The following LPP variants were observed in gnomAD, a reference collection of about 807,000 sequenced individuals.
The protein encoded by LPP is lipoma-preferred partner.
Under a neutral mutation model 60.4 loss-of-function variants are expected in LPP, and 38 were observed. The observed-to-expected ratio is 0.63, with a 90% CI of 0.49 to 0.83. The LOEUF (loss-of-function observed/expected upper bound fraction) is 0.83, where lower values mean the gene tolerates loss of function less well. Among genes scored for constraint, LPP ranks in the 40% least tolerant of loss-of-function variants. The pLI is 0.00. For synonymous variants in LPP, 328 were observed against 290.8 expected, an observed-to-expected ratio of 1.13 and a Z score of -1.30; for missense variants, 902 against 783.6, an observed-to-expected ratio of 1.15 and a Z score of -1.80.
chr3:188,717,534 A>G (rs986780873), intron 8 of LPP, among the ~76,000 whole-genome samples: 2 of 152,184 alleles, frequency 1.3e-5, no homozygotes, highest in African/African-American at 4.8e-5. Context: ...AAAATTAGAC[A>G]ATAAGTGGCT....
intron 4 of LPP, among the ~76,000 whole-genome samples, chr3:188,423,758 G>A (rs146708892): frequency 1.3e-5 from 2 of 150,780 alleles, no homozygotes; most frequent in African/African-American, 4.8e-5. Flanking sequence ...TGAGAAGTTT[G>A]TTGGCCACAT....
chr3:188,477,327 C>CT (rs1012695203), intron 4 of LPP, among the ~76,000 whole-genome samples: 2 of 152,160 alleles, frequency 1.3e-5, no homozygotes, highest in Non-Finnish European at 2.9e-5. Flanking sequence ...AAAACTGAGA[C>CT]TTTAACAGTA....
At chr3:188,249,045 C>T (rs1376551262) in intron 2 of LPP, among the ~76,000 whole-genome samples, 1 of 151,932 alleles carries the variant, frequency 6.6e-6, no homozygotes, top group African/African-American at 2.4e-5. Context: ...GTTTGTCTAC[C>T]CTCAGGAGTT....
intron 4 of LPP, among the ~76,000 whole-genome samples, chr3:188,474,307 TA>T (rs1802589550): frequency 6.7e-6 from 1 of 149,892 alleles, no homozygotes; most frequent in Non-Finnish European, 1.5e-5. Context: ...GTTATCCAAT[TA>T]AGCTAACAAA....
chr3:188,649,565 G>T (rs1851706726), intron 7 of LPP, among the ~76,000 whole-genome samples: 1 of 142,930 alleles, frequency 7.0e-6, no homozygotes, highest in African/African-American at 3.1e-5. Context: ...CTGAGCTAGG[G>T]AAATACCATC....
In LPP at chr3:188,708,291, C is replaced by A. The variant is rs772537316; in HGVS notation, c.1138C>A (p.Pro380Thr). The A allele has an allele frequency of 6.2e-7, 1 of 1,614,120 alleles. No individual in the cohort carries two copies. The highest frequency in any genetic ancestry group is 1.1e-5 in the South Asian group (1 of 91,082). ...PKGGHSGQLG[P>T]SSVAPSFRPE... ...GGGTGGCCATTCAGGGCAACTGGGG[C>A]CTTCGTCAGTTGCCCCTTCATTCCG... Residue 380 changes from proline (P) to threonine (T), a missense_variant, in exon 8 of 12, where the codon CCT becomes ACT. Transcript: ENST00000617246.
chr3:188,507,722 T>C lies in LPP; in HGVS notation c.307-16943T>C, dbSNP rs144535016. On this transcript the variant is annotated intron_variant, in intron 5 of 11. Coordinates refer to ENST00000617246, the MANE Select transcript of LPP (RefSeq NM_001375462.1). ...GGAAGGGAATGGTGATGTTCTTTCA[T>C]ATTTAGTGGGGAACTTGGCCAACTA... Among the ~76,000 whole-genome samples, 43 of 152,292 alleles carry C rather than the reference T, an allele frequency of 2.8e-4. No homozygotes were observed. In the East Asian group the frequency reaches 3.9e-3, roughly 14 times the overall value.
At chr3:188,328,231 A>G (rs1472584003) in intron 2 of LPP, among the ~76,000 whole-genome samples, 6 of 152,190 alleles carry the variant, frequency 3.9e-5, no homozygotes, top group African/African-American at 2.4e-5. Context: ...ATACCCTATT[A>G]TATTAAAATC....
In LPP at chr3:188,579,688, C is replaced by T. The variant is rs1008959615; in HGVS notation, c.430-29473C>T. Among the ~76,000 whole-genome samples, 6 of 150,478 alleles carry T rather than the reference C, an allele frequency of 4.0e-5. No individual in the cohort carries two copies. In the South Asian group the frequency reaches 8.4e-4, roughly 21 times the overall value. Reference sequence around the variant, plus strand: ...TTTAAACCCCAGTGAGGCTGGGCACCGTGGCTCACACCTGTAATCTGAGCT... The same window carrying T: ...TTTAAACCCCAGTGAGGCTGGGCACTGTGGCTCACACCTGTAATCTGAGCT... On this transcript the variant is annotated intron_variant, in intron 6 of 11. Coordinates refer to ENST00000617246, the MANE Select transcript of LPP (RefSeq NM_001375462.1).
At chr3:188,718,437 A>G (rs1048019735) in intron 8 of LPP, among the ~76,000 whole-genome samples, 1 of 152,244 alleles carries the variant, frequency 6.6e-6, no homozygotes, top group African/African-American at 2.4e-5. Flanking sequence ...ATTGTCCTTA[A>G]AAAGAATAAA....
intron 9 of LPP, among the ~76,000 whole-genome samples, chr3:188,829,393 C>A (rs1756528557): frequency 6.6e-6 from 1 of 152,186 alleles, no homozygotes. Flanking sequence ...GTTCCACTTA[C>A]ACACGATCTT....
At chr3:188,716,890 G>A (rs928206497) in intron 8 of LPP, among the ~76,000 whole-genome samples, 2 of 152,142 alleles carry the variant, frequency 1.3e-5, no homozygotes, top group African/African-American at 2.4e-5. Flanking sequence ...GGAAGTTAGC[G>A]TCTTGCATCC....
chr3:188,834,333 T>TTG (rs1166484123), intron 9 of LPP, among the ~76,000 whole-genome samples: 1 of 145,760 alleles, frequency 6.9e-6, no homozygotes, highest in East Asian at 2.0e-4. Context: ...TGTTTTTTTT[T>TTG]TTTTTTTTTT....
chr3:188,704,490 A>C (rs1452192495), intron 7 of LPP, among the ~76,000 whole-genome samples: 1 of 152,120 alleles, frequency 6.6e-6, no homozygotes, highest in African/African-American at 2.4e-5. Flanking sequence ...CTCTAACCTT[A>C]ATGATACTGC....
rs541048621 is a variant in LPP, at chr3:188,332,111, A to G, written c.-66-9552A>G. On this transcript the variant is annotated intron_variant, in intron 2 of 11. Transcript: ENST00000617246. Reference sequence around the variant, plus strand: ...CTTCTCTCTTTAAATTTTATAACGTATATACTCTTATAAAAGTTACCATCA... The same window carrying G: ...CTTCTCTCTTTAAATTTTATAACGTGTATACTCTTATAAAAGTTACCATCA... 3.6e-4 allele frequency among the ~76,000 whole-genome samples: 55 copies of G among 152,142 alleles called. 2 individuals are homozygous for G. The South Asian group carries it at 0.011, about 30-fold the overall frequency.
At chr3:188,446,155 G>C (rs1489991614) in intron 4 of LPP, among the ~76,000 whole-genome samples, 1 of 152,134 alleles carries the variant, frequency 6.6e-6, no homozygotes, top group Admixed American at 6.5e-5. Context: ...CGGCTTGTGG[G>C]ACACCACTTA....
intron 8 of LPP, among the ~76,000 whole-genome samples, chr3:188,754,200 C>A (rs369492244): frequency 7.9e-5 from 12 of 152,270 alleles, no homozygotes; most frequent in East Asian, 5.8e-4. Context: ...CCTGTTCTAT[C>A]GCAGTGCTTC....
intron 2 of LPP, among the ~76,000 whole-genome samples, chr3:188,225,988 C>A (rs932766276): frequency 1.3e-5 from 2 of 152,164 alleles, no homozygotes; most frequent in African/African-American, 4.8e-5. Flanking sequence ...AGTGCTGCTT[C>A]TTTTGTGATC....
intron 2 of LPP, among the ~76,000 whole-genome samples, chr3:188,290,434 T>A (rs1325759410): frequency 2.0e-5 from 3 of 152,008 alleles, no homozygotes; most frequent in Non-Finnish European, 4.4e-5. Flanking sequence ...CATCATAGGG[T>A]CCTTGTGAGG....
Sources: allele counts gnomAD v4.1 joint callset (sites outside exome capture counted in the v4.1 genomes callset), GRCh38; gene constraint gnomAD v4.1.1; transcripts MANE v1.5; gene names NCBI Gene and HGNC (gene_info 2026-07-23, HGNC 2026-07-21).